WWOX: variants seen among roughly 807,000 people sequenced by gnomAD.
WWOX encodes the protein WW domain containing oxidoreductase, also known as WW domain-containing oxidoreductase.
WWOX carries 69 observed loss-of-function variants against 46.2 expected under a neutral mutation model. The observed-to-expected ratio is 1.49, with a 90% CI of 1.23 to 1.82. The LOEUF (loss-of-function observed/expected upper bound fraction) is 1.82. WWOX is among the 40% of genes most tolerant of loss of function. The pLI is 0.00. For missense variants in WWOX, 919 were observed against 542.6 expected, an observed-to-expected ratio of 1.69 and a Z score of -6.89; for synonymous variants, 359 against 202.6, an observed-to-expected ratio of 1.77 and a Z score of -6.56.
chr16:78,454,225 T>C (rs938303564), intron 8 of WWOX, among the ~76,000 whole-genome samples: 3 of 152,196 alleles, frequency 2.0e-5, no homozygotes, highest in East Asian at 3.9e-4. Flanking sequence ...TTCTGTAGGC[T>C]GTAGCAGGAC....
In WWOX at chr16:79,041,602, G is replaced by A. The variant is rs371379693; in HGVS notation, c.1057-170006G>A. On this transcript the variant is annotated intron_variant, in intron 8 of 8. Coordinates refer to ENST00000566780, the MANE Select transcript of WWOX (RefSeq NM_016373.4). ...AAGTCTGGTTGGCCTCTGGGAGTACGGGATCAGAATTCCAAGTGACTGGGG... is the reference window on the plus strand; with the variant it reads ...AAGTCTGGTTGGCCTCTGGGAGTACAGGATCAGAATTCCAAGTGACTGGGG... 9.9e-5 allele frequency among the ~76,000 whole-genome samples: 15 copies of A among 152,194 alleles called. No homozygotes were observed. The South Asian group carries it at 1.2e-3, about 13-fold the overall frequency.
chr16:78,245,635 C>T (rs1162569013), intron 5 of WWOX, among the ~76,000 whole-genome samples: 3 of 152,206 alleles, frequency 2.0e-5, no homozygotes, highest in Admixed American at 2.0e-4. Context: ...TTCTGCCTCA[C>T]TAATGTGCAT....
intron 8 of WWOX, among the ~76,000 whole-genome samples, chr16:78,953,459 G>C (rs560897387): frequency 8.3e-5 from 12 of 143,878 alleles, no homozygotes; most frequent in African/African-American, 2.9e-4. Flanking sequence ...TAGGACCTCT[G>C]CCCCACTCTA....
intron 8 of WWOX, chr16:78,994,490 G>A (rs371577253): frequency 2.3e-3 from 350 of 152,282 alleles, no homozygotes; most frequent in African/African-American, 7.9e-3. Context: ...CTCCGGCACC[G>A]AGGTACTTAT....
At chr16:78,777,436 A>T (rs571205412) in intron 8 of WWOX, among the ~76,000 whole-genome samples, 1 of 152,322 alleles carries the variant, frequency 6.6e-6, no homozygotes. Context: ...TAAGTAGCTG[A>T]TGTGTCTAGT....
chr16:78,595,851 C>G (rs1597323400), intron 8 of WWOX, among the ~76,000 whole-genome samples: 1 of 152,230 alleles, frequency 6.6e-6, no homozygotes. Context: ...TTGTTGTTAA[C>G]TGTATTCACC....
intron 6 of WWOX, among the ~76,000 whole-genome samples, chr16:78,422,219 A>G (rs1449983403): frequency 1.3e-5 from 2 of 152,134 alleles, no homozygotes; most frequent in Non-Finnish European, 2.9e-5. Flanking sequence ...ATGATTGCAT[A>G]TATTCGTCAC....
chr16:79,144,505 G>T (rs1597415691), intron 8 of WWOX, among the ~76,000 whole-genome samples: 1 of 152,126 alleles, frequency 6.6e-6, no homozygotes, highest in African/African-American at 2.4e-5. Flanking sequence ...CTTGCCTCCT[G>T]CTAGTTCCTT....
intron 8 of WWOX, among the ~76,000 whole-genome samples, chr16:79,040,734 A>T (rs899431521): frequency 1.3e-5 from 2 of 152,070 alleles, no homozygotes; most frequent in African/African-American, 4.8e-5. Flanking sequence ...AACCACAGAG[A>T]TCCCCCTAGA....
At chr16:78,433,862 T>C (rs1184838836) in intron 8 of WWOX, among the ~76,000 whole-genome samples, 1 of 138,818 alleles carries the variant, frequency 7.2e-6, no homozygotes, top group African/African-American at 2.7e-5. Context: ...GGATCTCGGC[T>C]CACTGCAAGC....
intron 8 of WWOX, among the ~76,000 whole-genome samples, chr16:79,097,548 T>C (rs575065978): frequency 6.6e-6 from 1 of 152,234 alleles, no homozygotes; most frequent in South Asian, 2.1e-4. Context: ...TGTCTTTTGT[T>C]TGTATTAGGA....
chr16:78,776,154 A>C (rs1282824012), intron 8 of WWOX, among the ~76,000 whole-genome samples: 1 of 152,226 alleles, frequency 6.6e-6, no homozygotes, highest in South Asian at 2.1e-4. Context: ...CTTGGGCTAA[A>C]AAAATGATTC....
chr16:78,591,634 G>T (rs993782645), intron 8 of WWOX, among the ~76,000 whole-genome samples: 1 of 152,164 alleles, frequency 6.6e-6, no homozygotes, highest in African/African-American at 2.4e-5. Flanking sequence ...AGTTCTCTGA[G>T]TCTCAGCTGA....
chr16:78,538,765 G>C (rs77587357), intron 8 of WWOX, among the ~76,000 whole-genome samples: 1 of 152,154 alleles, frequency 6.6e-6, no homozygotes, highest in Non-Finnish European at 1.5e-5. Context: ...TGATTTAGGA[G>C]CATTTTCTTT....
chr16:78,252,978 G>A (rs937745270), intron 5 of WWOX, among the ~76,000 whole-genome samples: 8 of 152,160 alleles, frequency 5.3e-5, no homozygotes, highest in African/African-American at 1.4e-4. Context: ...TGATAGAAAC[G>A]CAAACAGTGG....
At chr16:78,773,164 C>G (rs146593553) in intron 8 of WWOX, among the ~76,000 whole-genome samples, 3 of 152,256 alleles carry the variant, frequency 2.0e-5, no homozygotes, top group African/African-American at 4.8e-5. Context: ...TTGTCGGTAT[C>G]CTAAGCCGCT....
chr16:78,430,644 A>G (rs1397815731), intron 7 of WWOX, among the ~76,000 whole-genome samples: 2 of 152,168 alleles, frequency 1.3e-5, no homozygotes, highest in African/African-American at 4.8e-5. Context: ...TAGACAATTA[A>G]GCTTGGAAGT....
chr16:78,302,692 T>A (rs1239933830), intron 5 of WWOX, among the ~76,000 whole-genome samples: 5 of 152,188 alleles, frequency 3.3e-5, no homozygotes, highest in Non-Finnish European at 5.9e-5. Context: ...CACCATACCT[T>A]ATTGTCTCCC....
chr16:79,078,651 G>A (rs1447273386), intron 8 of WWOX, among the ~76,000 whole-genome samples: 1 of 152,212 alleles, frequency 6.6e-6, no homozygotes, highest in Non-Finnish European at 1.5e-5. Flanking sequence ...ATAAGCACTT[G>A]TTGAATTGAA....
Sources: gnomAD v4.1 joint callset for allele counts (sites outside exome capture counted in the v4.1 genomes callset) on GRCh38, gnomAD v4.1.1 for gene constraint, MANE v1.5 for transcripts, NCBI Gene and HGNC (gene_info 2026-07-23, HGNC 2026-07-21) for gene names.